ADGRA1: variants seen among roughly 807,000 people sequenced by gnomAD.
ADGRA1 encodes the protein G-protein coupled receptor 123.
ADGRA1 carries 12 observed loss-of-function variants against 21.3 expected under a neutral mutation model. That is an observed-to-expected ratio of 0.56 (90% confidence interval 0.36 to 0.91). The LOEUF is 0.91. ADGRA1 is among the 40% of genes least tolerant of loss of function. ADGRA1 has a pLI of 0.01. For missense variants in ADGRA1, 790 were observed against 805.6 expected, an observed-to-expected ratio of 0.98 and a Z score of 0.23; for synonymous variants, 385 against 368.8, an observed-to-expected ratio of 1.04 and a Z score of -0.50.
At chr10:133,109,104 C>T (rs1851943064) in intron 5 of ADGRA1, among the ~76,000 whole-genome samples, 1 of 151,696 alleles carries the variant, frequency 6.6e-6, no homozygotes, top group African/African-American at 2.4e-5. Flanking sequence ...TCATATCCTC[C>T]ATGGAACCAG....
intron 2 of ADGRA1, among the ~76,000 whole-genome samples, chr10:133,091,956 C>T (rs1027826212): frequency 2.0e-4 from 30 of 152,178 alleles, no homozygotes; most frequent in African/African-American, 7.2e-4. Flanking sequence ...GCAGCTGCTC[C>T]CCGAGGCCGG....
intron 2 of ADGRA1, among the ~76,000 whole-genome samples, chr10:133,094,442 T>C (rs1039136898): frequency 1.3e-5 from 2 of 152,142 alleles, no homozygotes; most frequent in Non-Finnish European, 2.9e-5. Context: ...CCGCCCACAG[T>C]GGCACCGCCC....
chr10:133,100,161 G>A (rs866743471), intron 4 of ADGRA1, among the ~76,000 whole-genome samples: 13 of 152,250 alleles, frequency 8.5e-5, no homozygotes, highest in Admixed American at 5.2e-4. Context: ...CCAGGAGGCC[G>A]TGCCCCCGGC....
At position 133,128,448 on chromosome 10, in the gene ADGRA1, G is replaced by A. The variant is rs373898149; in HGVS notation, c.620G>A (p.Arg207His). Residue 207 changes from arginine to histidine, a missense_variant, in exon 7 of 7, where the codon CGC becomes CAC. By Grantham distance (29) the Arg-to-His change is conservative (BLOSUM62 0). Around this residue, in one of 3 missense-constraint regions of ADGRA1, gnomAD observed 382 missense variants for 415.6 expected, o/e 0.92. Coordinates refer to ENST00000392607, the MANE Select transcript of ADGRA1 (RefSeq NM_001083909.3). Reference protein sequence around the residue: ...TYVQLRRHPGRRYELRTQPEE... With the variant: ...TYVQLRRHPGHRYELRTQPEE... The stretch of plus-strand genomic sequence containing the variant: ...GTGCAGCTGCGGCGCCACCCAGGGC[G>A]CAGGTACGAGCTGCGCACACAGCCC... The A allele has an allele frequency of 1.8e-5, 28 of 1,598,868 alleles. No individual in the cohort carries two copies. In the East Asian group the frequency reaches 1.8e-4, roughly 10 times the overall value.
intron 2 of ADGRA1, chr10:133,095,818 A>C: frequency 6.3e-7 from 1 of 1,588,142 alleles, no homozygotes; most frequent in Non-Finnish European, 8.5e-7. Flanking sequence ...CCTGCACAGG[A>C]GGGTCCCTCT....
chr10:133,127,499 G>A (rs1180926243), intron 6 of ADGRA1, among the ~76,000 whole-genome samples, 168 bp downstream of exon 6: 2 of 151,974 alleles, frequency 1.3e-5, no homozygotes, highest in African/African-American at 4.8e-5. Context: ...CCCCCGAGGA[G>A]TGCGCAGCGC....
At chr10:133,110,868 C>G (rs1007642076) in intron 5 of ADGRA1, among the ~76,000 whole-genome samples, 3 of 152,146 alleles carry the variant, frequency 2.0e-5, no homozygotes, top group African/African-American at 7.2e-5. Flanking sequence ...CCCTTTGCCG[C>G]AGAGTGATGT....
rs1564857943 is a variant in ADGRA1, at chr10:133,130,915, C to T, written c.*1404C>T. On this transcript the variant is annotated 3_prime_UTR_variant, in exon 7 of 7. Transcript: ENST00000392607. ...TGCACACATACTTAACACACACTTG[C>T]ACCTGCTGTGCACATGTGCACACAC... 6.6e-6 allele frequency: 1 copy of T among 152,262 alleles called. No individual in the cohort carries two copies. The highest frequency in any genetic ancestry group is 1.5e-5 in the Non-Finnish European group (1 of 68,062). 9.4% of individuals were successfully genotyped at this position (152,262 alleles called of 1,614,324 possible).
chr10:133,129,320 A>T lies in ADGRA1; in HGVS notation c.1492A>T (p.Thr498Ser), dbSNP rs1294906274. ...GAGCCCTGCCCTCTACAGCTGCCCC[A>T]CGCAGCCGGGCAGGGAGGCAGCGCT... ...DGSPALYSCP[T>S]QPGREAALGP... is the part of the protein sequence containing the mutation. The change falls in exon 7 of 7, where the codon ACG becomes TCG. Residue 498 changes from threonine (T) to serine (S), a missense_variant. By Grantham distance (58) the Thr-to-Ser change is moderately conservative (BLOSUM62 1). Coordinates refer to ENST00000392607, the MANE Select transcript of ADGRA1 (RefSeq NM_001083909.3). 6.4e-7 allele frequency: 1 copy of T among 1,560,966 alleles called. No individual in the cohort carries two copies.
intron 5 of ADGRA1, among the ~76,000 whole-genome samples, chr10:133,103,818 G>A (rs186208504): frequency 6.6e-6 from 1 of 152,234 alleles, no homozygotes; most frequent in Non-Finnish European, 1.5e-5. Context: ...AACTGAGACT[G>A]AATCCCAGAC....
intron 5 of ADGRA1, among the ~76,000 whole-genome samples, chr10:133,126,608 T>G (rs1029914763): frequency 6.6e-6 from 1 of 152,186 alleles, no homozygotes; most frequent in African/African-American, 2.4e-5. Context: ...GCATCCCGCT[T>G]GGATCCCTGG....
intron 2 of ADGRA1, among the ~76,000 whole-genome samples, chr10:133,095,322 G>A (rs958858856): frequency 2.6e-5 from 4 of 152,136 alleles, no homozygotes; most frequent in Non-Finnish European, 5.9e-5. Context: ...TGACTCCCCC[G>A]AAAACCCTCA....
chr10:133,099,298 C>T (rs527552898), intron 4 of ADGRA1, among the ~76,000 whole-genome samples: 4 of 151,926 alleles, frequency 2.6e-5, no homozygotes, highest in Non-Finnish European at 5.9e-5. Context: ...CCACCCCTCC[C>T]GGAGAGAGTG....
At chr10:133,102,656 G>T (rs1185065361) in intron 4 of ADGRA1, 41 bp from the exon 5 acceptor site, 2 of 1,578,832 alleles carry the variant, frequency 1.3e-6, no homozygotes, top group South Asian at 2.2e-5. Flanking sequence ...CTGGGGGGTG[G>T]GTGCCCGCCA....
intron 5 of ADGRA1, among the ~76,000 whole-genome samples, chr10:133,120,448 A>G (rs1591185477): frequency 6.6e-6 from 1 of 152,218 alleles, no homozygotes; most frequent in Non-Finnish European, 1.5e-5. Flanking sequence ...AGCCTCCCTC[A>G]TCGCTATCTT....
At chr10:133,098,536 G>A in intron 3 of ADGRA1, 104 bp from the exon 4 acceptor site, 1 of 1,412,746 alleles carries the variant, frequency 7.1e-7, no homozygotes, top group Non-Finnish European at 9.5e-7. Context: ...CCCACGGAGA[G>A]CCCGGACTTC....
chr10:133,128,878 C>A lies in ADGRA1; in HGVS notation c.1050C>A (p.Gly350=). 6.4e-7 allele frequency: 1 copy of A among 1,570,456 alleles called. No individual in the cohort carries two copies. Among genetic ancestry groups the A allele is most frequent in the Non-Finnish European group, 8.6e-7 (1 of 1,161,426 alleles). Reference sequence around the variant, plus strand: ...CCTGCCTGCACTCGCCGGGACTGGGCCAGCCACGGGGCTTCGCGCACCCAC... The same window carrying A: ...CCTGCCTGCACTCGCCGGGACTGGGACAGCCACGGGGCTTCGCGCACCCAC... ...RAACLHSPGL[G]QPRGFAHPPG... is the part of the protein sequence containing the mutation. Residue 350 remains glycine (G), a synonymous_variant, in exon 7 of 7, where the codon GGC becomes GGA. Transcript: ENST00000392607.
intron 5 of ADGRA1, among the ~76,000 whole-genome samples, chr10:133,112,617 G>A (rs554329993): frequency 1.0e-4 from 15 of 146,354 alleles, no homozygotes; most frequent in Admixed American, 3.4e-4. Flanking sequence ...TACGGGCTAC[G>A]TCGGTTATTT....
Position 133,130,966 on chromosome 10 carries a change from C to T in ADGRA1, c.*1455C>T, listed in dbSNP as rs1852514144. 6.6e-6 allele frequency: 1 copy of T among 152,258 alleles called. No homozygotes were observed. Among genetic ancestry groups the T allele is most frequent in the African/African-American group, 2.4e-5 (1 of 41,460 alleles). 9.4% of individuals were successfully genotyped at this position (152,258 alleles called of 1,614,324 possible). On this transcript the variant is annotated 3_prime_UTR_variant, in exon 7 of 7. Transcript: ENST00000392607. ...ACGTAGTAGTGTGTTTTCCAGCCACCCACACACTGGGTTTGCATTGGAGAT... is the reference window on the plus strand; with the variant it reads ...ACGTAGTAGTGTGTTTTCCAGCCACTCACACACTGGGTTTGCATTGGAGAT...
Sources: gnomAD v4.1 joint callset for allele counts (sites outside exome capture counted in the v4.1 genomes callset) on GRCh38, gnomAD v4.1.1 for gene constraint, gnomAD v4.1.1 regional missense constraint, MANE v1.5 for transcripts, NCBI Gene and HGNC (gene_info 2026-07-23, HGNC 2026-07-21) for gene names.